OTOF: variants seen among roughly 807,000 people sequenced by gnomAD.
OTOF encodes the protein otoferlin.
Under a neutral mutation model 236.8 loss-of-function variants are expected in OTOF, and 218 were observed. The observed-to-expected ratio is 0.92, with a 90% CI of 0.82 to 1.03. The LOEUF is 1.03. Ranked by LOEUF, OTOF falls within the 50% of genes least tolerant of loss-of-function variation. The pLI is 0.00. For synonymous variants in OTOF, 1,041 were observed against 1,072.5 expected (o/e 0.97, Z 0.57); for missense variants, 2,590 against 2,694.4 (o/e 0.96, Z 0.86).
At chr2:26,557,648 A>C (rs1667625713) in intron 1 of OTOF, among the ~76,000 whole-genome samples, 1 of 151,420 alleles carries the variant, frequency 6.6e-6, no homozygotes, top group African/African-American at 2.4e-5. Flanking sequence ...CTCAGTCCTT[A>C]CCTCCTCTCC....
At chr2:26,476,705 C>A in intron 22 of OTOF, among the ~76,000 whole-genome samples, 186 bp downstream of exon 22, 1 of 59,862 alleles carries the variant, frequency 1.7e-5, no homozygotes, top group East Asian at 7.1e-4. Flanking sequence ...CTTCCCCACC[C>A]CTTCCCCCAC....
At chr2:26,515,686 C>T (rs898496423) in intron 5 of OTOF, among the ~76,000 whole-genome samples, 2 of 152,166 alleles carry the variant, frequency 1.3e-5, no homozygotes, top group Non-Finnish European at 2.9e-5. Context: ...TTCAGATGCA[C>T]CCTTGACTTA....
At position 26,516,516 on chromosome 2, in the gene OTOF, C is replaced by T. The variant is rs1666529727; in HGVS notation, c.411G>A (p.Glu137=). 4 of 1,613,506 alleles carry T rather than the reference C, an allele frequency of 2.5e-6. No homozygotes were observed. Among genetic ancestry groups the T allele is most frequent in the Non-Finnish European group, 3.4e-6 (4 of 1,179,902 alleles). The change falls in exon 5 of 47, where the codon GAG becomes GAA. Residue 137 remains glutamate (E), a synonymous_variant. Transcript: ENST00000272371. ...SWDDGDFLGD[E]SLQEEEKDSQ... ...TGTCCTTCTCTTCCTCTTGAAGAGA[C>T]TCATCTCCCAGGAAGTCCCCATCGT...
chr2:26,531,242 T>G (rs978581710), intron 2 of OTOF, among the ~76,000 whole-genome samples: 2 of 152,142 alleles, frequency 1.3e-5, no homozygotes, highest in Non-Finnish European at 2.9e-5. Context: ...TCTTTTTTGT[T>G]CTTCTGACAA....
In OTOF at chr2:26,477,335, C is replaced by G; in HGVS notation, c.2407-47G>C. 1 of 1,594,580 alleles carries G rather than the reference C, an allele frequency of 6.3e-7. No individual in the cohort carries two copies. Among genetic ancestry groups the G allele is most frequent in the Non-Finnish European group, 8.6e-7 (1 of 1,168,016 alleles). On this transcript the variant is annotated intron_variant, in intron 20 of 46. Transcript: ENST00000272371. The surrounding 1 kb of genome is among the most constrained non-coding windows in gnomAD (Gnocchi z 4.7). Reference sequence around the variant, plus strand: ...TGAACCCAGCAACTGGGGGACAGCTCGGGCCATGACAAAGGGGGTTGTGAC... The same window carrying G: ...TGAACCCAGCAACTGGGGGACAGCTGGGGCCATGACAAAGGGGGTTGTGAC...
At chr2:26,458,620 T>C (rs1171565681) in intron 46 of OTOF, among the ~76,000 whole-genome samples, 3 of 152,206 alleles carry the variant, frequency 2.0e-5, no homozygotes, top group African/African-American at 7.2e-5. Context: ...CACCGGGCCC[T>C]GCTGAGGGTC....
intron 8 of OTOF, among the ~76,000 whole-genome samples, chr2:26,497,716 T>TTTGGAACG (rs1252292421): frequency 3.9e-5 from 6 of 152,150 alleles, no homozygotes; most frequent in Non-Finnish European, 8.8e-5. Context: ...AACATTTCCG[T>TTTGGAACG]TTGGAACGTG....
chr2:26,464,231 C>A, intron 39 of OTOF, 125 bp from the exon 40 acceptor site: 1 of 1,217,204 alleles, frequency 8.2e-7, no homozygotes, highest in Non-Finnish European at 1.2e-6. Context: ...ACCTCCTTTT[C>A]ACTGTTGGGG....
At chr2:26,505,975 C>T (rs917497719) in intron 5 of OTOF, among the ~76,000 whole-genome samples, 11 of 152,208 alleles carry the variant, frequency 7.2e-5, no homozygotes, top group African/African-American at 2.7e-4. Flanking sequence ...TTGCTGGTGA[C>T]ATAACATTGA....
At chr2:26,459,981 C>T (rs778639271) in intron 46 of OTOF, 27 bp downstream of exon 46, 62 of 1,550,888 alleles carry the variant, frequency 4.0e-5, no homozygotes, top group Non-Finnish European at 5.1e-5. Context: ...GCCCTTGGTC[C>T]AGAGGAAGAA....
intron 32 of OTOF, among the ~76,000 whole-genome samples, chr2:26,469,344 A>G (rs1419800046): frequency 6.6e-6 from 1 of 152,236 alleles, no homozygotes; most frequent in African/African-American, 2.4e-5. Context: ...AGCCTCTTGC[A>G]GCTCCAGCCT....
chr2:26,546,705 T>C lies in OTOF; in HGVS notation c.80-8931A>G, dbSNP rs538519120. ...TGGAGAATTGTCATCTTAACAATTA[T>C]GAATCTTCAGTCCATAAACATAATC... On this transcript the variant is annotated intron_variant, in intron 1 of 46. Coordinates refer to ENST00000272371, the MANE Select transcript of OTOF (RefSeq NM_194248.3). 2.0e-5 allele frequency among the ~76,000 whole-genome samples: 3 copies of C among 152,214 alleles called. No individual in the cohort carries two copies. The South Asian group carries it at 6.2e-4, about 32-fold the overall frequency.
intron 32 of OTOF, 29 bp from the exon 33 acceptor site, chr2:26,468,503 A>G: frequency 1.9e-6 from 3 of 1,599,312 alleles, no homozygotes; most frequent in Non-Finnish European, 2.6e-6. Context: ...AAAAGGACAG[A>G]AGGTGGGTTT....
chr2:26,511,565 A>T (rs1666390984), intron 5 of OTOF, among the ~76,000 whole-genome samples: 2 of 152,208 alleles, frequency 1.3e-5, no homozygotes, highest in South Asian at 4.1e-4. Flanking sequence ...ATGGCTCAAG[A>T]CCTGAAGGCC....
In OTOF at chr2:26,489,745, A is replaced by AG. The variant is rs1321908130; in HGVS notation, c.898-6dup. ...ATGGAAGTCGAAGACGAAGTACTGG[A>AG]GGGGGAAGGATCCAGGCCTGCTGTC... On this transcript the variant is annotated splice_region_variant and splice_polypyrimidine_tract_variant and intron_variant, in intron 9 of 46. Coordinates refer to ENST00000272371, the MANE Select transcript of OTOF (RefSeq NM_194248.3). The AG allele has an allele frequency of 1.3e-5, 21 of 1,611,486 alleles. No homozygotes were observed. Among genetic ancestry groups the AG allele is most frequent in the Non-Finnish European group, 1.7e-5 (20 of 1,178,750 alleles).
chr2:26,494,402 A>T (rs1572449610), intron 9 of OTOF, among the ~76,000 whole-genome samples: 2 of 152,374 alleles, frequency 1.3e-5, no homozygotes, highest in South Asian at 2.1e-4. Flanking sequence ...GAACCCCACT[A>T]GCACGCCAAG....
In OTOF at chr2:26,477,828, C is replaced by G. The variant is rs1255572325; in HGVS notation, c.2215-79G>C. ...CCCCAAATGCCTCCTCCCTGTTGAT[C>G]AGGGGAGTGAGGGACCTCATGATCT... On this transcript the variant is annotated intron_variant, in intron 18 of 46. Transcript: ENST00000272371. The surrounding 1 kb of genome is among the most constrained non-coding windows in gnomAD (Gnocchi z 4.7). 1 of 1,583,474 alleles carries G rather than the reference C, an allele frequency of 6.3e-7. No individual in the cohort carries two copies. Among genetic ancestry groups the G allele is most frequent in the South Asian group, 1.1e-5 (1 of 87,748 alleles).
intron 1 of OTOF, among the ~76,000 whole-genome samples, chr2:26,546,873 T>A (rs1206915597): frequency 6.6e-6 from 1 of 152,104 alleles, no homozygotes; most frequent in East Asian, 1.9e-4. Context: ...ACTTGCTAAA[T>A]TCATTCATTA....
At position 26,558,554 on chromosome 2, in the gene OTOF, G is replaced by A; in HGVS notation, c.18C>T (p.His6=). MALLI[H]LKTVSELRGR... is the part of the protein sequence containing the mutation. ...CCCGCAGCTCCGAGACTGTCTTGAG[G>A]TGGATGAGCAAGGCCATGCTGGTGT... Residue 6 remains histidine, a synonymous_variant, in exon 1 of 47, where the codon CAC becomes CAT. Coordinates refer to ENST00000272371, the MANE Select transcript of OTOF (RefSeq NM_194248.3). 1 of 1,613,984 alleles carries A rather than the reference G, an allele frequency of 6.2e-7. No individual in the cohort carries two copies. The highest frequency in any genetic ancestry group is 8.5e-7 in the Non-Finnish European group (1 of 1,179,940).
Sources: allele counts gnomAD v4.1 joint callset (sites outside exome capture counted in the v4.1 genomes callset), GRCh38; gene constraint gnomAD v4.1.1; non-coding constraint Gnocchi (gnomAD v3.1); transcripts MANE v1.5; gene names NCBI Gene and HGNC (gene_info 2026-07-23, HGNC 2026-07-21).